Variants in WASHC2C observed in about 807,000 individuals in gnomAD.
The protein encoded by WASHC2C is Vaccinia Penetration Factor.
Under a neutral mutation model 142.2 loss-of-function variants are expected in WASHC2C, and 73 were observed. The ratio of observed to expected loss-of-function variants is 0.51; its 90% CI spans 0.43 to 0.62. The LOEUF (loss-of-function observed/expected upper bound fraction) is 0.62. Ranked by LOEUF, WASHC2C falls within the 20% of genes least tolerant of loss-of-function variation. The pLI is 0.00. For synonymous variants in WASHC2C, 337 were observed against 565.5 expected, an observed-to-expected ratio of 0.60 and a Z score of 5.73; for missense variants, 969 against 1,531.7, an observed-to-expected ratio of 0.63 and a Z score of 6.13.
intron 3 of WASHC2C, among the ~76,000 whole-genome samples, chr10:45,730,651 ACT>A (rs2050455171): frequency 6.8e-6 from 1 of 147,456 alleles, no homozygotes; most frequent in East Asian, 2.0e-4. Context: ...ATGGAGTCTC[ACT>A]CTGTCACCCA....
chr10:45,792,273 C>A lies in WASHC2C; in HGVS notation c.3899C>A (p.Ser1300Tyr). ...TTTCTTTCTAAAGATGACATCTTCT[C>A]CACTGGTATCCAGGCTAAGACAACC... is the stretch of plus-strand genomic sequence containing the variant. ...IFDDDMDDIF[S>Y]TGIQAKTTKP... Residue 1300 changes from serine (S) to tyrosine (Y), a missense_variant, in exon 31 of 31, where the codon TCC becomes TAC. By Grantham distance (144) the Ser-to-Tyr change is moderately radical. Coordinates refer to ENST00000623400, the MANE Select transcript of WASHC2C (RefSeq NM_001330074.2). The A allele has an allele frequency of 6.4e-7, 1 of 1,563,760 alleles. No homozygotes were observed. Among genetic ancestry groups the A allele is most frequent in the East Asian group, 2.2e-5 (1 of 44,712 alleles).
intron 3 of WASHC2C, among the ~76,000 whole-genome samples, chr10:45,734,935 T>A (rs1403581953): frequency 3.3e-5 from 5 of 151,896 alleles, no homozygotes; most frequent in African/African-American, 1.2e-4. Flanking sequence ...TTTTTATCCC[T>A]TATAGATAAC....
intron 13 of WASHC2C, among the ~76,000 whole-genome samples, chr10:45,754,243 T>C (rs2053966281): frequency 6.6e-6 from 1 of 152,208 alleles, no homozygotes; most frequent in South Asian, 2.1e-4. Context: ...CTGCTGTGGC[T>C]TGATGACGGT....
chr10:45,792,166 C>T (rs1475273124), intron 30 of WASHC2C, 95 bp from the exon 31 acceptor site: 2 of 1,342,444 alleles, frequency 1.5e-6, no homozygotes, highest in East Asian at 2.3e-5. Flanking sequence ...CATGCTGTTA[C>T]GAGAGCTGGG....
chr10:45,751,610 CT>C (rs2053595435), intron 11 of WASHC2C, 57 bp downstream of exon 11: 1 of 757,278 alleles, frequency 1.3e-6, no homozygotes. Context: ...AGGAATGTTG[CT>C]TACATAATTC....
chr10:45,788,301 G>T (rs2058194123), intron 28 of WASHC2C, among the ~76,000 whole-genome samples: 1 of 152,158 alleles, frequency 6.6e-6, no homozygotes, highest in Non-Finnish European at 1.5e-5. Flanking sequence ...GAAAAGTTCT[G>T]ATTTCTAAGC....
intron 3 of WASHC2C, among the ~76,000 whole-genome samples, chr10:45,731,757 A>T (rs528454017): frequency 4.6e-5 from 7 of 151,664 alleles, no homozygotes; most frequent in Non-Finnish European, 1.0e-4. Flanking sequence ...ACTCTGAAAA[A>T]ATATACTTGC....
At chr10:45,756,401 A>G (rs1325091606) in intron 15 of WASHC2C, among the ~76,000 whole-genome samples, 1 of 152,258 alleles carries the variant, frequency 6.6e-6, no homozygotes, top group Non-Finnish European at 1.5e-5. Context: ...AAGATTTTGT[A>G]GGTACATTGA....
chr10:45,728,661 G>T (rs951054457), intron 2 of WASHC2C, among the ~76,000 whole-genome samples: 1 of 151,634 alleles, frequency 6.6e-6, no homozygotes, highest in African/African-American at 2.4e-5. Flanking sequence ...TCGCTTGAAC[G>T]CGGGAGGTGC....
intron 23 of WASHC2C, among the ~76,000 whole-genome samples, chr10:45,782,440 A>T (rs2057587303): frequency 6.6e-6 from 1 of 151,772 alleles, no homozygotes; most frequent in Admixed American, 6.6e-5. Flanking sequence ...CATAATAAAA[A>T]AAAAAAAAAA....
chr10:45,791,215 C>A (rs2058374352), intron 30 of WASHC2C, among the ~76,000 whole-genome samples: 1 of 152,234 alleles, frequency 6.6e-6, no homozygotes, highest in African/African-American at 2.4e-5. Flanking sequence ...CAGAGCCACA[C>A]ACTGGCTCTG....
intron 6 of WASHC2C, among the ~76,000 whole-genome samples, chr10:45,744,139 A>G (rs371371102): frequency 2.0e-5 from 3 of 148,364 alleles, no homozygotes; most frequent in Non-Finnish European, 3.0e-5. Context: ...GCTCACTGCA[A>G]CCTCCACCTC....
Position 45,746,587 on chromosome 10 carries a change from C to G in WASHC2C, c.685-13C>G. Reference sequence around the variant, plus strand: ...AGCCCATTTAACAACAAAGCCTTTTCTTACCCATAAAGGAGTCAGATGAAG... The same window carrying G: ...AGCCCATTTAACAACAAAGCCTTTTGTTACCCATAAAGGAGTCAGATGAAG... On this transcript the variant is annotated splice_polypyrimidine_tract_variant and intron_variant, in intron 7 of 30. Transcript: ENST00000623400. 6.2e-7 allele frequency: 1 copy of G among 1,613,286 alleles called. No individual in the cohort carries two copies. The highest frequency in any genetic ancestry group is 8.5e-7 in the Non-Finnish European group (1 of 1,179,470).
intron 18 of WASHC2C, among the ~76,000 whole-genome samples, chr10:45,763,818 C>T (rs1209966098): frequency 4.0e-5 from 6 of 151,818 alleles, no homozygotes; most frequent in Non-Finnish European, 7.4e-5. Context: ...TCTCCTGCCT[C>T]GACCTCCCAA....
chr10:45,789,275 T>C lies in WASHC2C; in HGVS notation c.3492T>C (p.Gly1164=), dbSNP rs1356792668. 4.3e-6 allele frequency: 7 copies of C among 1,611,886 alleles called. No homozygotes were observed. Among genetic ancestry groups the C allele is most frequent in the Non-Finnish European group, 5.9e-6 (7 of 1,179,868 alleles). Residue 1164 remains glycine, a synonymous_variant, in exon 29 of 31, where the codon GGT becomes GGC. Coordinates refer to ENST00000623400, the MANE Select transcript of WASHC2C (RefSeq NM_001330074.2). ...AGAATCCTGCCAACCCACCAGTGGG[T>C]GGTAAAGCAAAGAGCCCCATGTTTC... ...IAENPANPPV[G]GKAKSPMFPA...
At chr10:45,768,234 GAAA>G (rs1169870861) in intron 19 of WASHC2C, among the ~76,000 whole-genome samples, 5 of 76,482 alleles carry the variant, frequency 6.5e-5, no homozygotes, top group Non-Finnish European at 7.9e-5. Flanking sequence ...CTCGAAAAAG[GAAA>G]AAAAAAAAAA....
At chr10:45,773,840 G>GT (rs2056835153) in intron 21 of WASHC2C, among the ~76,000 whole-genome samples, 2 of 119,718 alleles carry the variant, frequency 1.7e-5, no homozygotes, top group Admixed American at 1.0e-4. Flanking sequence ...CTATACAGTG[G>GT]TAAAAAAAAA....
At chr10:45,777,500 TTTTTTGAC>T in intron 22 of WASHC2C, 75 bp downstream of exon 22, 2 of 1,610,546 alleles carry the variant, frequency 1.2e-6, no homozygotes, top group Non-Finnish European at 8.5e-7. Context: ...ACCCCTTAAG[TTTTTTGAC>T]CACAGAAAAT....
In WASHC2C at chr10:45,789,053, C is replaced by T. The variant is rs1157436045; in HGVS notation, c.3270C>T (p.Asp1090=). 6 of 1,611,932 alleles carry T rather than the reference C, an allele frequency of 3.7e-6. No individual in the cohort carries two copies. Among genetic ancestry groups the T allele is most frequent in the African/African-American group, 1.3e-5 (1 of 74,860 alleles). ...AGCTCAGAGCAGCCAGTGGAGAAGACAGCACTGAGGAGGCCCTGGCAGCTG... is the reference window on the plus strand; with the variant it reads ...AGCTCAGAGCAGCCAGTGGAGAAGATAGCACTGAGGAGGCCCTGGCAGCTG... ...RPQLRAASGE[D]STEEALAAAA... is the part of the protein sequence containing the mutation. The change falls in exon 29 of 31, where the codon GAC becomes GAT. Residue 1090 remains aspartate (D), a synonymous_variant. Transcript: ENST00000623400.
Sources: allele counts gnomAD v4.1 joint callset (sites outside exome capture counted in the v4.1 genomes callset), GRCh38; gene constraint gnomAD v4.1.1; transcripts MANE v1.5; gene names NCBI Gene and HGNC (gene_info 2026-07-23, HGNC 2026-07-21).